CYLD: variants seen among roughly 807,000 people sequenced by gnomAD.
The protein encoded by CYLD is ubiquitin carboxyl-terminal hydrolase CYLD.
Under a neutral mutation model 104.5 loss-of-function variants are expected in CYLD, and 26 were observed. The ratio of observed to expected loss-of-function variants is 0.25; its 90% confidence interval spans 0.18 to 0.35. The LOEUF is 0.35. Ranked by LOEUF, CYLD falls within the 10% of genes least tolerant of loss-of-function variation. The pLI is 1.00. For synonymous variants in CYLD, 385 were observed against 399.9 expected (o/e 0.96, Z 0.45); for missense variants, 703 against 1,136.1 (o/e 0.62, Z 5.48).
intron 7 of CYLD, 58 bp downstream of exon 7, chr16:50,776,335 C>T (rs1471382203): frequency 4.1e-6 from 5 of 1,215,516 alleles, no homozygotes; most frequent in Non-Finnish European, 6.1e-6. Context: ...CTTGCCATAG[C>T]ATTAAAAAAG....
chr16:50,752,171 A>G lies in CYLD; in HGVS notation c.807+265A>G, dbSNP rs188792681. 2.6e-5 allele frequency among the ~76,000 whole-genome samples: 4 copies of G among 151,842 alleles called. No individual in the cohort carries two copies. In the East Asian group the frequency reaches 7.7e-4, roughly 29 times the overall value. On this transcript the variant is annotated intron_variant, in intron 4 of 18. Transcript: ENST00000427738. ...GCATTGAAATAGAACAGGGGTCTAG[A>G]TACAGATTACATTTACTTTTTTTTC...
At chr16:50,776,701 C>G (rs1032824609) in intron 7 of CYLD, among the ~76,000 whole-genome samples, 5 of 152,196 alleles carry the variant, frequency 3.3e-5, no homozygotes, top group African/African-American at 1.2e-4. Flanking sequence ...AAAATTTCTT[C>G]TCTTTCCCAG....
At chr16:50,761,219 C>T (rs1967885512) in intron 5 of CYLD, among the ~76,000 whole-genome samples, 1 of 152,156 alleles carries the variant, frequency 6.6e-6, no homozygotes, top group Non-Finnish European at 1.5e-5. Flanking sequence ...CACTCTTCCA[C>T]CCTCATTTGT....
rs1010073768 is a variant in CYLD at position 50,777,695 on chromosome 16, G to A, written c.1022-130G>A. On this transcript the variant is annotated intron_variant, in intron 7 of 18. Coordinates refer to ENST00000427738, the MANE Select transcript of CYLD (RefSeq NM_001378743.1). The stretch of plus-strand genomic sequence containing the variant: ...GCTGAAGACAGTTAAAAAACATATT[G>A]TGTTTATATACATTTATTGGTTATG... The A allele has an allele frequency of 2.0e-5, 12 of 610,780 alleles. No individual in the cohort carries two copies. The African/African-American group carries it at 2.3e-4, about 12-fold the overall frequency. 37.8% of individuals were successfully genotyped at this position (610,780 alleles called of 1,614,324 possible).
At chr16:50,780,359 C>T (rs975610149) in intron 9 of CYLD, among the ~76,000 whole-genome samples, 12 of 152,228 alleles carry the variant, frequency 7.9e-5, no homozygotes, top group Middle Eastern at 3.4e-3. Context: ...TTCTTCAGCC[C>T]CTTCCCCTGG....
chr16:50,763,358 A>G (rs1445938457), intron 5 of CYLD, among the ~76,000 whole-genome samples: 1 of 152,110 alleles, frequency 6.6e-6, no homozygotes, highest in African/African-American at 2.4e-5. Flanking sequence ...GTGTGGACAT[A>G]TGCTTTTGTT....
intron 10 of CYLD, among the ~76,000 whole-genome samples, 154 bp from the exon 11 acceptor site, chr16:50,782,171 A>T (rs1265855754): frequency 6.6e-6 from 1 of 152,244 alleles, no homozygotes; most frequent in Non-Finnish European, 1.5e-5. Context: ...GCCAAGTCAA[A>T]TAGCAGTTAA....
chr16:50,792,550 T>C (rs1567458175), intron 15 of CYLD, 47 bp from the exon 16 acceptor site: 2 of 1,377,238 alleles, frequency 1.5e-6, no homozygotes, highest in Non-Finnish European at 2.0e-6. Flanking sequence ...TAGGGAAAAG[T>C]GTTTTTTTTA....
At chr16:50,779,408 C>T (rs373125004) in intron 8 of CYLD, among the ~76,000 whole-genome samples, 3 of 152,214 alleles carry the variant, frequency 2.0e-5, no homozygotes, top group South Asian at 2.1e-4. Context: ...AAGACTATCA[C>T]GTATACGATA....
intron 2 of CYLD, among the ~76,000 whole-genome samples, chr16:50,744,239 G>A (rs1296975467): frequency 2.6e-5 from 4 of 151,646 alleles, no homozygotes; most frequent in Non-Finnish European, 4.4e-5. Context: ...TAGGGACTGT[G>A]TACTTGTGAC....
intron 2 of CYLD, among the ~76,000 whole-genome samples, chr16:50,747,552 A>T (rs1026031820): frequency 1.3e-5 from 2 of 152,250 alleles, no homozygotes. Context: ...GAAAGTGTTG[A>T]CATGTTAAAA....
Position 50,776,213 on chromosome 16 carries a change from T to C in CYLD, c.957T>C (p.Leu319=). Reference sequence around the variant, plus strand: ...CGCAGGAAAGGAGGCCTCCCAAACTTGCCTTTATGTCAAGAGGTGTTGGGG... The same window carrying C: ...CGCAGGAAAGGAGGCCTCCCAAACTCGCCTTTATGTCAAGAGGTGTTGGGG... ...SVTQERRPPK[L]AFMSRGVGDK... Residue 319 remains leucine, a synonymous_variant, in exon 7 of 19, where the codon CTT becomes CTC. Transcript: ENST00000427738. 1 of 1,613,618 alleles carries C rather than the reference T, an allele frequency of 6.2e-7. No individual in the cohort carries two copies. Among genetic ancestry groups the C allele is most frequent in the Non-Finnish European group, 8.5e-7 (1 of 1,179,676 alleles).
At position 50,801,396 on chromosome 16, in the gene CYLD, ATG is replaced by A. The variant is rs1972451367; in HGVS notation, c.*4889_*4890del. 1 of 213,784 alleles carries A rather than the reference ATG, an allele frequency of 4.7e-6. No homozygotes were observed. Among genetic ancestry groups the A allele is most frequent in the African/African-American group, 2.9e-5 (1 of 34,720 alleles). 13.2% of individuals were successfully genotyped at this position (213,784 alleles called of 1,614,324 possible). On this transcript the variant is annotated 3_prime_UTR_variant, in exon 19 of 19. Coordinates refer to ENST00000427738, the MANE Select transcript of CYLD (RefSeq NM_001378743.1). ...TAAAGTCTTCATTTATTTTTATAAC[ATG>A]GGTTAGGGAGAAGGGCCACAAATGG...
chr16:50,796,781 A>T lies in CYLD; in HGVS notation c.*273A>T. The T allele has an allele frequency of 2.2e-6, 1 of 462,166 alleles. No homozygotes were observed. Among genetic ancestry groups the T allele is most frequent in the South Asian group, 2.3e-5 (1 of 42,844 alleles). 28.6% of individuals were successfully genotyped at this position (462,166 alleles called of 1,614,324 possible). A position where few individuals can be genotyped will look rare whatever the true frequency, so the allele number is the denominator to read the frequency against. ...ATACCTGAAGCTTTAAGTTAAGTGC[A>T]TTGATCATATGATATTTTTGGAAGC... On this transcript the variant is annotated 3_prime_UTR_variant, in exon 19 of 19. Coordinates refer to ENST00000427738, the MANE Select transcript of CYLD (RefSeq NM_001378743.1).
chr16:50,765,968 CAAGTGCTGATATAGA>C (rs1244242167), intron 5 of CYLD, among the ~76,000 whole-genome samples: 2 of 152,188 alleles, frequency 1.3e-5, no homozygotes, highest in African/African-American at 4.8e-5. Context: ...GATGAAGCAG[CAAGTGCTGATATAGA>C]AACTGCTGCA....
chr16:50,796,224 G>A, intron 18 of CYLD, 100 bp from the exon 19 acceptor site: 5 of 1,173,374 alleles, frequency 4.3e-6, no homozygotes, highest in Non-Finnish European at 6.2e-6. Flanking sequence ...GGCTTTTAGA[G>A]CCTGAAATTA....
chr16:50,754,248 T>G, intron 4 of CYLD, 71 bp from the exon 5 acceptor site: 1 of 1,017,288 alleles, frequency 9.8e-7, no homozygotes, highest in Non-Finnish European at 1.5e-6. Context: ...GAGGATTCTT[T>G]ATGGAAAATA....
Position 50,801,294 on chromosome 16 carries a change from C to A in CYLD, c.*4786C>A, listed in dbSNP as rs1972444282. 4.3e-6 allele frequency: 1 copy of A among 233,350 alleles called. No individual in the cohort carries two copies. Among genetic ancestry groups the A allele is most frequent in the South Asian group, 1.8e-4 (1 of 5,532 alleles). 14.5% of individuals were successfully genotyped at this position (233,350 alleles called of 1,614,324 possible). A position where few individuals can be genotyped will look rare whatever the true frequency, so the allele number is the denominator to read the frequency against. On this transcript the variant is annotated 3_prime_UTR_variant, in exon 19 of 19. Coordinates refer to ENST00000427738, the MANE Select transcript of CYLD (RefSeq NM_001378743.1). ...TTGTAGCATCCAGCAGTCTCTGTAG[C>A]CAGGTTACTCAAGAACCACATTTGA...
Position 50,797,830 on chromosome 16 carries a change from G to T in CYLD, c.*1322G>T, listed in dbSNP as rs1175554220. 1 of 232,442 alleles carries T rather than the reference G, an allele frequency of 4.3e-6. No homozygotes were observed. Among genetic ancestry groups the T allele is most frequent in the Non-Finnish European group, 8.5e-6 (1 of 117,666 alleles). The allele number at this position is 232,442 out of a possible 1,614,324, so 14.4% of individuals were successfully genotyped here. On this transcript the variant is annotated 3_prime_UTR_variant, in exon 19 of 19. Transcript: ENST00000427738. ...CAAACCCTGCAATTACTTTTTTAAA[G>T]GCACTTTTACTCTTTGGTTTTATCA... is the stretch of plus-strand genomic sequence containing the variant.
Sources: gnomAD v4.1 joint callset for allele counts (sites outside exome capture counted in the v4.1 genomes callset) on GRCh38, gnomAD v4.1.1 for gene constraint, MANE v1.5 for transcripts, NCBI Gene and HGNC (gene_info 2026-07-23, HGNC 2026-07-21) for gene names.